The following MROH1 variants were observed in gnomAD, a reference collection of about 807,000 sequenced individuals.
MROH1 encodes maestro heat-like repeat-containing protein family member 1.
A neutral mutation model predicts 116.5 loss-of-function variants in MROH1; 117 were observed. That is an observed-to-expected ratio of 1.00 (90% CI 0.86 to 1.17). The LOEUF (loss-of-function observed/expected upper bound fraction) is 1.17. Among genes scored for constraint, MROH1 ranks in the 50% most tolerant of loss-of-function variants. MROH1 has a pLI of 0.00. For missense variants in MROH1, 1,873 were observed against 1,338.5 expected, an observed-to-expected ratio of 1.40 and a Z score of -6.23; for synonymous variants, 921 against 583.9, an observed-to-expected ratio of 1.58 and a Z score of -8.32.
chr8:144,242,343 TCC>T, intron 22 of MROH1, 24 bp from the exon 23 acceptor site: 1 of 780,622 alleles, frequency 1.3e-6, no homozygotes, highest in Non-Finnish European at 2.4e-6. Flanking sequence ...GTAACTGAAG[TCC>T]CGCTGGTTCC....
At position 144,261,393 on chromosome 8, in the gene MROH1, C is replaced by G. The variant is rs1428161643; in HGVS notation, c.4840+44C>G. ...GGCCCCTCCGCTGGGCCCTGCTGAC[C>G]CTGTAGGCACCCGCAGGGACTAAGT... On this transcript the variant is annotated intron_variant, in intron 43 of 43. Transcript: ENST00000326134. 8 of 700,488 alleles carry G rather than the reference C, an allele frequency of 1.1e-5. No individual in the cohort carries two copies. The Admixed American group carries it at 1.6e-4, about 14-fold the overall frequency. The allele number at this position is 700,488 out of a possible 1,614,324, so 43.4% of individuals were successfully genotyped here.
intron 29 of MROH1, among the ~76,000 whole-genome samples, chr8:144,246,301 G>T (rs1305886651): frequency 6.6e-6 from 1 of 151,704 alleles, no homozygotes; most frequent in South Asian, 2.1e-4. Flanking sequence ...TAGAGATGGG[G>T]TTTCATCCTG....
Position 144,244,547 on chromosome 8 carries a change from G to A in MROH1, c.2766+8G>A. On this transcript the variant is annotated splice_region_variant and intron_variant, in intron 28 of 43. Coordinates refer to ENST00000326134, the MANE Select transcript of MROH1 (RefSeq NM_032450.3). Reference sequence around the variant, plus strand: ...CTGCAGATCATGATTGAGGTGTGCAGGGGGGAACTGTCATGGGGATGGGGA... The same window carrying A: ...CTGCAGATCATGATTGAGGTGTGCAAGGGGGAACTGTCATGGGGATGGGGA... 1 of 750,354 alleles carries A rather than the reference G, an allele frequency of 1.3e-6. No homozygotes were observed. Among genetic ancestry groups the A allele is most frequent in the Non-Finnish European group, 2.5e-6 (1 of 402,646 alleles). 46.5% of individuals were successfully genotyped at this position (750,354 alleles called of 1,614,324 possible). A position where few individuals can be genotyped will look rare whatever the true frequency, so the allele number is the denominator to read the frequency against.
chr8:144,202,004 T>G (rs1454613454), intron 12 of MROH1, among the ~76,000 whole-genome samples: 4 of 125,128 alleles, frequency 3.2e-5, no homozygotes, highest in African/African-American at 1.3e-4. Context: ...GACAACAGAG[T>G]GAGACTCCGT....
At position 144,199,139 on chromosome 8, in the gene MROH1, G is replaced by T; in HGVS notation, c.966G>T (p.Glu322Asp). The T allele has an allele frequency of 6.2e-7, 1 of 1,613,782 alleles. No individual in the cohort carries two copies. The highest frequency in any genetic ancestry group is 8.5e-7 in the Non-Finnish European group (1 of 1,179,808). ...ALHSQICVPV[E>D]SSSPLVMSNQ... ...TGGAGCAGATCTGTGTGCCTGTGGA[G>T]TCCTCAAGCCCCCTGGTGATGAGTA... Residue 322 changes from glutamate to aspartate, a missense_variant, in exon 11 of 44, where the codon GAG (glutamate) becomes GAT (aspartate). Transcript: ENST00000326134.
chr8:144,148,449 C>G (rs2130317048), intron 1 of MROH1, among the ~76,000 whole-genome samples: 1 of 152,214 alleles, frequency 6.6e-6, no homozygotes, highest in South Asian at 2.1e-4. Flanking sequence ...CCGGTGGTCC[C>G]CAGTGCCCGG....
intron 16 of MROH1, 32 bp from the exon 17 acceptor site, chr8:144,239,291 C>A (rs1840578421): frequency 1.3e-6 from 1 of 780,000 alleles, no homozygotes; most frequent in Non-Finnish European, 2.4e-6. Context: ...ACAGGCAGCC[C>A]CCCACTGACT....
chr8:144,180,271 A>G lies in MROH1; in HGVS notation c.394A>G (p.Arg132Gly), dbSNP rs1009305774. The change falls in exon 6 of 44, where the codon AGG (arginine) becomes GGG (glycine). Residue 132 changes from arginine (R) to glycine (G), a missense_variant. Physicochemically the swap from Arg to Gly is moderately radical, Grantham distance 125. Transcript: ENST00000326134. This position sits in a 1 kb window ranked among gnomAD's most constrained non-coding sequence, Gnocchi z 7.4. ...CAAGGTGATGGAGGAGCTGCTGCGC[A>G]GGCTGCACCCTGGGACCCTGCCACA... The part of the protein sequence containing the change: ...ISKVMEELLR[R>G]LHPGTLPHCA... 3 of 1,610,352 alleles carry G rather than the reference A, an allele frequency of 1.9e-6. No homozygotes were observed. Among genetic ancestry groups the G allele is most frequent in the Non-Finnish European group, 2.5e-6 (3 of 1,179,748 alleles).
At chr8:144,241,598 G>A (rs944657244) in intron 22 of MROH1, 81 bp downstream of exon 22, 59,401 of 771,188 alleles carry the variant, frequency 0.077, 2,860 homozygotes, top group Non-Finnish European at 0.11. Flanking sequence ...GCGGGCTGGA[G>A]TGGGGCAGGA....
At chr8:144,232,778 C>A (rs1839179151) in intron 14 of MROH1, among the ~76,000 whole-genome samples, 2 of 151,210 alleles carry the variant, frequency 1.3e-5, no homozygotes, top group Non-Finnish European at 1.5e-5. Flanking sequence ...CAGGCGTGAG[C>A]CACCGCACCT....
chr8:144,261,087 G>T, intron 41 of MROH1, 27 bp from the exon 42 acceptor site: 1 of 775,292 alleles, frequency 1.3e-6, no homozygotes. Flanking sequence ...GGCGGGGCCA[G>T]GCGGCACTGA....
rs1175911208 is a variant in MROH1, at chr8:144,190,869, T to C, written c.648T>C (p.Phe216=). 1 of 1,613,674 alleles carries C rather than the reference T, an allele frequency of 6.2e-7. No homozygotes were observed. The highest frequency in any genetic ancestry group is 1.3e-5 in the African/African-American group (1 of 74,914). ...APDPTVRKDA[F]ATDIFSAYDV... is the part of the protein sequence containing the mutation. Reference sequence around the variant, plus strand: ...ACCCCACGGTCAGGAAGGACGCCTTTGCCACCGACATCTTCAGCGCCTACG... The same window carrying C: ...ACCCCACGGTCAGGAAGGACGCCTTCGCCACCGACATCTTCAGCGCCTACG... Residue 216 remains phenylalanine, a synonymous_variant, in exon 8 of 44, where the codon TTT becomes TTC. Coordinates refer to ENST00000326134, the MANE Select transcript of MROH1 (RefSeq NM_032450.3).
rs945169805 is a variant in MROH1, at chr8:144,239,183, C to T, written c.1591+4C>T. 3.4e-5 allele frequency: 26 copies of T among 757,914 alleles called. No individual in the cohort carries two copies. The highest frequency in any genetic ancestry group is 3.1e-4 in the African/African-American group (18 of 58,832). The allele number at this position is 757,914 out of a possible 1,614,324, so 46.9% of individuals were successfully genotyped here. On this transcript the variant is annotated splice_donor_region_variant and intron_variant, in intron 16 of 43. Coordinates refer to ENST00000326134, the MANE Select transcript of MROH1 (RefSeq NM_032450.3). ...CTCATCCAGTACGACGCCCATGGTG[C>T]GTGCCGCGCCGTACCCCACCTCCCC...
chr8:144,162,542 T>A lies in MROH1; in HGVS notation c.-56-1229T>A, dbSNP rs565759291. Among the ~76,000 whole-genome samples the A allele has an allele frequency of 9.9e-5, 15 of 151,872 alleles. No homozygotes were observed. The South Asian group carries it at 2.7e-3, about 27-fold the overall frequency. On this transcript the variant is annotated intron_variant, in intron 2 of 43. Transcript: ENST00000326134. ...TCCTGAGTAGCTGGGATTACAGGCA[T>A]GAGCCACCAGACTGGCTAATTTTTT...
At chr8:144,161,387 C>T (rs1325610508) in intron 2 of MROH1, among the ~76,000 whole-genome samples, 1 of 152,186 alleles carries the variant, frequency 6.6e-6, no homozygotes, top group African/African-American at 2.4e-5. Context: ...CTGCAGGTCT[C>T]TAAAGTTCTC....
chr8:144,220,552 G>T, intron 12 of MROH1, 48 bp from the exon 13 acceptor site: 1 of 1,525,440 alleles, frequency 6.6e-7, no homozygotes, highest in Non-Finnish European at 8.9e-7. Context: ...TGGACCTTGA[G>T]GTCCTCATCT....
In MROH1 at chr8:144,175,030, C is replaced by T. The variant is rs367719043; in HGVS notation, c.169-4425C>T. The T allele has an allele frequency of 6.1e-5, 60 of 985,366 alleles. No homozygotes were observed. The East Asian group carries it at 4.4e-3, about 73-fold the overall frequency. The allele number at this position is 985,366 out of a possible 1,614,324, so 61.0% of individuals were successfully genotyped here. A position where few individuals can be genotyped will look rare whatever the true frequency, so the allele number is the denominator to read the frequency against. The stretch of plus-strand genomic sequence containing the variant: ...AAAGCAAAGATTTCCCTCAAACTTC[C>T]TCATATACATGAAGAGAATTAGTAG... On this transcript the variant is annotated intron_variant, in intron 4 of 43. Transcript: ENST00000326134.
chr8:144,150,013 A>C (rs1367140722), intron 1 of MROH1, among the ~76,000 whole-genome samples: 1 of 152,068 alleles, frequency 6.6e-6, no homozygotes, highest in African/African-American at 2.4e-5. Flanking sequence ...GTGACCTCCC[A>C]GTCTCCCTGC....
intron 12 of MROH1, chr8:144,213,566 A>G (rs1004955022): frequency 6.5e-6 from 1 of 153,474 alleles, no homozygotes; most frequent in African/African-American, 2.4e-5. Flanking sequence ...AGGCAGGCAG[A>G]TCATTTGAGG....
Sources: gnomAD v4.1 joint callset for allele counts (sites outside exome capture counted in the v4.1 genomes callset) on GRCh38, gnomAD v4.1.1 for gene constraint, Gnocchi (gnomAD v3.1) non-coding constraint, MANE v1.5 for transcripts, NCBI Gene and HGNC (gene_info 2026-07-23, HGNC 2026-07-21) for gene names.